The following ABCA10 variants were observed in gnomAD, a reference collection of about 807,000 sequenced individuals.
ABCA10 encodes ATP-binding cassette sub-family A member 10.
In ABCA10, 169 loss-of-function variants were observed where a neutral mutation model predicts 187.5. That is an observed-to-expected ratio of 0.90 (90% confidence interval 0.80 to 1.02). The LOEUF (loss-of-function observed/expected upper bound fraction) is 1.02. ABCA10 is among the 50% of genes least tolerant of loss of function. The probability of loss-of-function intolerance (pLI) is 0.00; values close to 1 mark genes in which losing one functional copy is unlikely to be tolerated. For missense variants in ABCA10, 1,727 were observed against 1,812.4 expected (o/e 0.95, Z 0.86); for synonymous variants, 574 against 601.8 (o/e 0.95, Z 0.68).
chr17:69,183,989 C>A (rs937424582), intron 20 of ABCA10, among the ~76,000 whole-genome samples: 5 of 152,070 alleles, frequency 3.3e-5, no homozygotes, highest in African/African-American at 1.2e-4. Flanking sequence ...GTTCTCAGTC[C>A]TGCTCACCAG....
intron 11 of ABCA10, among the ~76,000 whole-genome samples, chr17:69,195,457 T>G (rs2074491089): frequency 6.6e-6 from 1 of 151,710 alleles, no homozygotes; most frequent in South Asian, 2.1e-4. Context: ...TTTTTTGTTT[T>G]CTCTTTATTC....
At chr17:69,208,806 G>A (rs2074612778) in intron 9 of ABCA10, among the ~76,000 whole-genome samples, 2 of 152,136 alleles carry the variant, frequency 1.3e-5, no homozygotes, top group African/African-American at 4.8e-5. Flanking sequence ...GGTGGCCAAG[G>A]TGGGAGGATC....
chr17:69,183,899 C>T (rs185275934), intron 20 of ABCA10, among the ~76,000 whole-genome samples: 5 of 152,110 alleles, frequency 3.3e-5, no homozygotes, highest in African/African-American at 1.2e-4. Flanking sequence ...GATTCAAGCA[C>T]AGAAGCCATG....
upstream of ABCA10, among the ~76,000 whole-genome samples, chr17:69,230,457 A>G (rs1430097282): frequency 1.3e-5 from 2 of 152,068 alleles, no homozygotes; most frequent in African/African-American, 4.8e-5. Context: ...GGTCTCTGTT[A>G]CACATTTATA....
At position 69,167,884 on chromosome 17, in the gene ABCA10, T is replaced by G. The variant is rs184990692; in HGVS notation, c.3163-2801A>C. On this transcript the variant is annotated intron_variant, in intron 25 of 38. Transcript: ENST00000690296. The stretch of plus-strand genomic sequence containing the variant: ...AAAAAGTAAGACAGAAATTATAATA[T>G]ATTTCTGTAAAGTTACACCATGTGT... 4.2e-3 allele frequency among the ~76,000 whole-genome samples: 631 copies of G among 151,698 alleles called. 4 individuals carry two copies. The highest frequency in any genetic ancestry group is 0.014 in the African/African-American group (592 of 41,002).
intron 19 of ABCA10, among the ~76,000 whole-genome samples, chr17:69,186,377 C>G (rs1276121246): frequency 1.3e-5 from 2 of 152,152 alleles, no homozygotes; most frequent in African/African-American, 4.8e-5. Context: ...TCCTCTCATT[C>G]TTTTATTCTG....
Position 69,155,838 on chromosome 17 carries a change from T to G in ABCA10, c.3543A>C (p.Ala1181=), listed in dbSNP as rs1375557709. The change falls in exon 29 of 39, where the codon GCA becomes GCC. Residue 1181 remains alanine (A), a synonymous_variant. Coordinates refer to ENST00000690296, the MANE Select transcript of ABCA10 (RefSeq NM_001377321.1). ...DEDVQAERVQ[A]ANALTAPNLE... is the part of the protein sequence containing the mutation. ...AGTTTGGAGCAGTGAGTGCATTTGCTGCTTGGACTCTTTCAGCTTGAACAT... is the reference window on the plus strand; with the variant it reads ...AGTTTGGAGCAGTGAGTGCATTTGCGGCTTGGACTCTTTCAGCTTGAACAT... 1 of 1,613,824 alleles carries G rather than the reference T, an allele frequency of 6.2e-7. No individual in the cohort carries two copies. The highest frequency in any genetic ancestry group is 8.5e-7 in the Non-Finnish European group (1 of 1,179,772).
Position 69,153,310 on chromosome 17 carries a change from T to C in ABCA10, c.4131A>G (p.Gln1377=), listed in dbSNP as rs754749374. Residue 1377 remains glutamine (Q), a synonymous_variant, in exon 34 of 39, where the codon CAA becomes CAG. Transcript: ENST00000690296. ...TTAATATTCACTCTCCTTACCACATTTGCTGCTGCCCCTCGGGGTCCATCC... is the reference window on the plus strand; with the variant it reads ...TTAATATTCACTCTCCTTACCACATCTGCTGCTGCCCCTCGGGGTCCATCC... The part of the protein sequence containing the change: ...FTGMDPEGQQ[Q]MWQILQATVK... 2 of 1,610,098 alleles carry C rather than the reference T, an allele frequency of 1.2e-6. No homozygotes were observed. Among genetic ancestry groups the C allele is most frequent in the Non-Finnish European group, 1.7e-6 (2 of 1,178,438 alleles).
At chr17:69,212,140 G>A (rs546333682) in intron 9 of ABCA10, among the ~76,000 whole-genome samples, 1 of 152,148 alleles carries the variant, frequency 6.6e-6, no homozygotes, top group Non-Finnish European at 1.5e-5. Context: ...TTTTAGCACT[G>A]CTTTTTCTGT....
chr17:69,167,034 A>G (rs1164102348), intron 25 of ABCA10, among the ~76,000 whole-genome samples: 1 of 152,242 alleles, frequency 6.6e-6, no homozygotes, highest in African/African-American at 2.4e-5. Context: ...TCTTTTGGTT[A>G]TACAACAAGA....
intron 1 of ABCA10, among the ~76,000 whole-genome samples, chr17:69,243,080 CT>C (rs1477051248): frequency 6.6e-6 from 1 of 152,108 alleles, no homozygotes; most frequent in African/African-American, 2.4e-5. Context: ...ACTGAGAAAC[CT>C]AATTAGCATC....
chr17:69,148,969 G>T (rs763914842), intron 38 of ABCA10, 44 bp from the exon 39 acceptor site: 1 of 1,612,590 alleles, frequency 6.2e-7, no homozygotes, highest in South Asian at 1.1e-5. Context: ...GTCAGGGTGT[G>T]TCTGAAAGAT....
Position 69,174,304 on chromosome 17 carries a change from A to G in ABCA10, c.3139T>C (p.Phe1047Leu), listed in dbSNP as rs1239718307. Reference sequence around the variant, plus strand: ...ACAATAAAAAAGCCAAAAGACCAAAAGCCATTATTTTTTCTCCACTTGCGA... The same window carrying G: ...ACAATAAAAAAGCCAAAAGACCAAAGGCCATTATTTTTTCTCCACTTGCGA... ...IFRKWRKNNG[F>L]WSFGFFIILI... The change falls in exon 25 of 39, where the codon TTT becomes CTT. Residue 1047 changes from phenylalanine (F) to leucine (L), a missense_variant. Physicochemically the swap from Phe to Leu is conservative, Grantham distance 22. Transcript: ENST00000690296. 6.2e-7 allele frequency: 1 copy of G among 1,606,298 alleles called. No individual in the cohort carries two copies. Among genetic ancestry groups the G allele is most frequent in the Non-Finnish European group, 8.5e-7 (1 of 1,177,410 alleles).
intron 9 of ABCA10, among the ~76,000 whole-genome samples, chr17:69,212,566 C>G (rs1163909424): frequency 6.6e-6 from 1 of 152,132 alleles, no homozygotes; most frequent in East Asian, 1.9e-4. Context: ...GTATCGAAGT[C>G]CCCCACTATT....
At chr17:69,149,190 A>G in intron 37 of ABCA10, 102 bp from the exon 38 acceptor site, 1 of 1,246,532 alleles carries the variant, frequency 8.0e-7, no homozygotes, top group East Asian at 2.3e-5. Flanking sequence ...TAGATACTGT[A>G]AGATATAGGC....
Position 69,174,350 on chromosome 17 carries a change from T to C in ABCA10, c.3093A>G (p.Thr1031=), listed in dbSNP as rs1342080969. 3 of 1,604,000 alleles carry C rather than the reference T, an allele frequency of 1.9e-6. No homozygotes were observed. Among genetic ancestry groups the C allele is most frequent in the African/African-American group, 2.7e-5 (2 of 74,168 alleles). Residue 1031 remains threonine, a synonymous_variant, in exon 25 of 39, where the codon ACA becomes ACG. Transcript: ENST00000690296. ...TGCGAAAGATGAATGAAAGCACATATGTGAGGAATATAAGAGAAACTGCAC... is the reference window on the plus strand; with the variant it reads ...TGCGAAAGATGAATGAAAGCACATACGTGAGGAATATAAGAGAAACTGCAC... ...IGCAVSLIFL[T]YVLSFIFRKW... is the part of the protein sequence containing the mutation.
At position 69,201,453 on chromosome 17, in the gene ABCA10, T is replaced by A. The variant is rs1190270459; in HGVS notation, c.1175+47A>T. On this transcript the variant is annotated intron_variant, in intron 10 of 38. Transcript: ENST00000690296. Reference sequence around the variant, plus strand: ...ACATTTGACCTGCAGCTTCATTTACTAAGCTTTTACCTATAAGTGTACATA... The same window carrying A: ...ACATTTGACCTGCAGCTTCATTTACAAAGCTTTTACCTATAAGTGTACATA... 2.1e-6 allele frequency: 3 copies of A among 1,408,616 alleles called. No individual in the cohort carries two copies. The African/African-American group carries it at 4.4e-5, about 20-fold the overall frequency. The allele number at this position is 1,408,616 out of a possible 1,614,324, so 87.3% of individuals were successfully genotyped here. A position where few individuals can be genotyped will look rare whatever the true frequency, so the allele number is the denominator to read the frequency against.
Position 69,228,406 on chromosome 17 carries a change from A to AT in ABCA10, c.-313+174dup, listed in dbSNP as rs566482302. 2.8e-3 allele frequency among the ~76,000 whole-genome samples: 424 copies of AT among 152,102 alleles called. 2 individuals carry two copies. Among genetic ancestry groups the AT allele is most frequent in the African/African-American group, 9.8e-3 (406 of 41,562 alleles). On this transcript the variant is annotated intron_variant, in intron 1 of 38. Transcript: ENST00000690296. ...TTCATTTATCACACTAAAATGTTAC[A>AT]TAAGTTTTTAAAATAAAATAACTCA...
intron 20 of ABCA10, among the ~76,000 whole-genome samples, chr17:69,184,879 A>G (rs1027900683): frequency 2.0e-5 from 3 of 148,030 alleles, no homozygotes; most frequent in Non-Finnish European, 4.4e-5. Flanking sequence ...GTGTATATAT[A>G]TACACACACA....
Sources: gnomAD v4.1 joint callset for allele counts (sites outside exome capture counted in the v4.1 genomes callset) on GRCh38, gnomAD v4.1.1 for gene constraint, MANE v1.5 for transcripts, NCBI Gene and HGNC (gene_info 2026-07-23, HGNC 2026-07-21) for gene names.